The following UBE2D3 variants were observed in gnomAD, a reference collection of about 807,000 sequenced individuals.
UBE2D3 encodes ubiquitin conjugating enzyme E2 D3.
Under a neutral mutation model 22.8 loss-of-function variants are expected in UBE2D3, and 2 were observed. That is an observed-to-expected ratio of 0.09 (90% CI 0.04 to 0.28). UBE2D3 has a LOEUF of 0.28. Ranked by LOEUF, UBE2D3 falls within the 10% of genes least tolerant of loss-of-function variation. UBE2D3 has a pLI of 1.00. For synonymous variants in UBE2D3, 56 were observed against 60.4 expected, an observed-to-expected ratio of 0.93 and a Z score of 0.34; for missense variants, 27 against 182.5, an observed-to-expected ratio of 0.15 and a Z score of 4.91.
intron 2 of UBE2D3, chr4:102,825,998 C>G (rs909429411): frequency 3.4e-6 from 1 of 293,694 alleles, no homozygotes. Context: ...CTTCTTCTAC[C>G]CGACCCTCAG....
At chr4:102,861,007 C>CTAGA (rs1732873823) in intron 1 of UBE2D3, among the ~76,000 whole-genome samples, 1 of 151,940 alleles carries the variant, frequency 6.6e-6, no homozygotes, top group South Asian at 2.1e-4. Flanking sequence ...TTCCCTTCTC[C>CTAGA]TAGATATTCC....
In UBE2D3 at chr4:102,811,636, C is replaced by A. The variant is rs577986550; in HGVS notation, c.25-1781G>T. ...GGAGAGGCTGCAGATCGCGCCACTG[C>A]ACTCCAGCCTGGGGAAAAGAGTGAG... is the stretch of plus-strand genomic sequence containing the variant. On this transcript the variant is annotated intron_variant, in intron 2 of 7. Transcript: ENST00000453744. The A allele has an allele frequency of 1.5e-3, 481 of 324,132 alleles. 3 individuals carry two copies. In the Middle Eastern group the frequency reaches 0.015, roughly 10 times the overall value. 20.1% of individuals were successfully genotyped at this position (324,132 alleles called of 1,614,324 possible). A position where few individuals can be genotyped will look rare whatever the true frequency, so the allele number is the denominator to read the frequency against.
chr4:102,799,826 A>T (rs223435), intron 6 of UBE2D3, among the ~76,000 whole-genome samples: 78,575 of 131,978 alleles, frequency 0.6, 23,811 homozygotes, highest in African/African-American at 0.8. Flanking sequence ...CTTGGTACTC[A>T]GTGGCTGGGG....
chr4:102,856,715 T>A (rs998881572), intron 1 of UBE2D3, among the ~76,000 whole-genome samples: 2 of 152,182 alleles, frequency 1.3e-5, no homozygotes, highest in African/African-American at 4.8e-5. Context: ...GTTCTATGTA[T>A]AATCAAATAC....
intron 4 of UBE2D3, among the ~76,000 whole-genome samples, chr4:102,808,701 T>A (rs1232186150): frequency 6.6e-6 from 1 of 152,178 alleles, no homozygotes; most frequent in Non-Finnish European, 1.5e-5. Context: ...CAGTGTAAGT[T>A]CCCTATAAGA....
intron 2 of UBE2D3, among the ~76,000 whole-genome samples, chr4:102,818,723 T>C (rs1032403132): frequency 2.0e-5 from 3 of 152,132 alleles, no homozygotes; most frequent in African/African-American, 4.8e-5. Flanking sequence ...TGGAAGTACA[T>C]GATTTAAGCA....
chr4:102,852,494 T>C (rs1374049203), intron 1 of UBE2D3, among the ~76,000 whole-genome samples: 1 of 152,228 alleles, frequency 6.6e-6, no homozygotes, highest in Non-Finnish European at 1.5e-5. Flanking sequence ...CTATAGGTAT[T>C]GGTGTATTTT....
intron 1 of UBE2D3, chr4:102,868,622 T>G (rs1023702614): frequency 6.5e-7 from 1 of 1,544,878 alleles, no homozygotes; most frequent in Non-Finnish European, 8.9e-7. Context: ...AGGATACTCA[T>G]GGGCGAGTAT....
At chr4:102,816,671 A>C (rs1728818837) in intron 2 of UBE2D3, among the ~76,000 whole-genome samples, 1 of 152,210 alleles carries the variant, frequency 6.6e-6, no homozygotes, top group South Asian at 2.1e-4. Context: ...TTGCTGAAAA[A>C]CATGTAAGAA....
chr4:102,806,489 A>G (rs1238927835), intron 4 of UBE2D3, among the ~76,000 whole-genome samples: 1 of 151,854 alleles, frequency 6.6e-6, no homozygotes, highest in Non-Finnish European at 1.5e-5. Context: ...GGGAAATGAC[A>G]TAATAATACA....
At chr4:102,817,439 A>G (rs1182811471) in intron 2 of UBE2D3, among the ~76,000 whole-genome samples, 1 of 152,178 alleles carries the variant, frequency 6.6e-6, no homozygotes, top group African/African-American at 2.4e-5. Flanking sequence ...TGAGTCCCTT[A>G]AGAGAGGGGA....
At chr4:102,836,000 C>T (rs1459131676) in intron 1 of UBE2D3, among the ~76,000 whole-genome samples, 1 of 152,040 alleles carries the variant, frequency 6.6e-6, no homozygotes, top group Non-Finnish European at 1.5e-5. Context: ...TGCCTTTTTT[C>T]ACTTAGCATA....
intron 4 of UBE2D3, among the ~76,000 whole-genome samples, chr4:102,806,976 G>C (rs1299227138): frequency 3.9e-5 from 6 of 152,072 alleles, no homozygotes; most frequent in Non-Finnish European, 7.4e-5. Context: ...GATTATTAAA[G>C]CCAAGCAATT....
At chr4:102,814,064 T>C (rs965205759) in intron 2 of UBE2D3, among the ~76,000 whole-genome samples, 1 of 152,210 alleles carries the variant, frequency 6.6e-6, no homozygotes, top group Non-Finnish European at 1.5e-5. Flanking sequence ...TGTATAGATA[T>C]ACCCTCATGT....
intron 1 of UBE2D3, among the ~76,000 whole-genome samples, chr4:102,840,141 TTTTA>T (rs1731664093): frequency 6.6e-6 from 1 of 152,216 alleles, no homozygotes; most frequent in Non-Finnish European, 1.5e-5. Context: ...GAAGAAATTC[TTTTA>T]TACTGTCAGT....
Position 102,814,296 on chromosome 4 carries a change from C to CT in UBE2D3, c.25-4442dup, listed in dbSNP as rs35501552. Among the ~76,000 whole-genome samples the CT allele has an allele frequency of 1.9e-3, 273 of 146,224 alleles. 4 individuals carry two copies. Among genetic ancestry groups the CT allele is most frequent in the African/African-American group, 5.5e-3 (218 of 39,464 alleles). On this transcript the variant is annotated intron_variant, in intron 2 of 7. Transcript: ENST00000453744. ...AAATTATCCACTATTAAGAAAATGA[C>CT]TTTTTTTTTTGAGATGGAGTCTCCC...
At chr4:102,811,796 A>G in intron 2 of UBE2D3, 1 of 445,824 alleles carries the variant, frequency 2.2e-6, no homozygotes, top group Admixed American at 2.5e-5. Flanking sequence ...GCGAGAGGAC[A>G]GCTTGAGCGC....
chr4:102,811,797 G>A (rs1278922170), intron 2 of UBE2D3: 1 of 444,448 alleles, frequency 2.2e-6, no homozygotes, highest in Admixed American at 2.5e-5. Context: ...CGAGAGGACA[G>A]CTTGAGCGCA....
chr4:102,835,435 G>C (rs546209301), intron 1 of UBE2D3, among the ~76,000 whole-genome samples: 8 of 152,146 alleles, frequency 5.3e-5, no homozygotes, highest in Non-Finnish European at 7.3e-5. Context: ...ATCCCTCATG[G>C]ATACTGGAGG....
Sources: gnomAD v4.1 joint callset for allele counts (sites outside exome capture counted in the v4.1 genomes callset) on GRCh38, gnomAD v4.1.1 for gene constraint, MANE v1.5 for transcripts, NCBI Gene and HGNC (gene_info 2026-07-23, HGNC 2026-07-21) for gene names.